The following CACNA1E variants were observed in gnomAD, a reference collection of about 807,000 sequenced individuals.
The protein encoded by CACNA1E is voltage-dependent R-type calcium channel subunit alpha-1E.
In CACNA1E, 40 loss-of-function variants were observed where a neutral mutation model predicts 259.2. The observed-to-expected ratio is 0.15, with a 90% CI of 0.12 to 0.20. CACNA1E has a LOEUF of 0.20. CACNA1E is among the 10% of genes least tolerant of loss of function. The probability of loss-of-function intolerance (pLI) is 1.00; values close to 1 mark genes in which losing one functional copy is unlikely to be tolerated. For synonymous variants in CACNA1E, 1,104 were observed against 1,138.5 expected, an observed-to-expected ratio of 0.97 and a Z score of 0.61; for missense variants, 1,874 against 3,040.1, an observed-to-expected ratio of 0.62 and a Z score of 9.02.
At chr1:181,502,345 C>A (rs1352832913) in intron 1 of CACNA1E, among the ~76,000 whole-genome samples, 1 of 152,210 alleles carries the variant, frequency 6.6e-6, no homozygotes, top group African/African-American at 2.4e-5. Flanking sequence ...AAAAGTTCAT[C>A]TATAGCTCCT....
At position 181,465,862 on chromosome 1, in the gene CACNA1E, T is replaced by C. The variant is rs984457574; in HGVS notation, c.435-17882T>C. Among the ~76,000 whole-genome samples, 5 of 152,220 alleles carry C rather than the reference T, an allele frequency of 3.3e-5. No individual in the cohort carries two copies. The East Asian group carries it at 5.8e-4, about 18-fold the overall frequency. ...TTTGATTACAAGTCATGTTTAGTAG[T>C]GCTTGTTTTCCCCATGGAAATGCAG... On this transcript the variant is annotated intron_variant, in intron 2 of 11. Coordinates refer to the CACNA1E transcript ENST00000524607.
intron 6 of CACNA1E, among the ~76,000 whole-genome samples, chr1:181,637,681 G>A (rs1279466477): frequency 6.6e-6 from 1 of 152,154 alleles, no homozygotes; most frequent in Non-Finnish European, 1.5e-5. Context: ...TCTTGAGGGT[G>A]TCAAATATTG....
intron 2 of CACNA1E, among the ~76,000 whole-genome samples, chr1:181,461,411 G>A (rs1558022290): frequency 6.6e-6 from 1 of 151,628 alleles, no homozygotes; most frequent in Non-Finnish European, 1.5e-5. Flanking sequence ...CGTGGTGGCG[G>A]GCGCCTGTAG....
intron 1 of CACNA1E, among the ~76,000 whole-genome samples, chr1:181,400,887 C>T (rs1351572207): frequency 6.6e-6 from 1 of 152,176 alleles, no homozygotes; most frequent in African/African-American, 2.4e-5. Flanking sequence ...ACTGGTCTCC[C>T]TGCCTCTTCC....
intron 1 of CACNA1E, among the ~76,000 whole-genome samples, chr1:181,368,583 T>A (rs1229876794): frequency 1.3e-5 from 2 of 152,126 alleles, no homozygotes; most frequent in Admixed American, 6.6e-5. Flanking sequence ...CATCTGACAT[T>A]TTCCCTCTTC....
chr1:181,473,194 A>C (rs75258258), intron 2 of CACNA1E, among the ~76,000 whole-genome samples: 51,431 of 151,418 alleles, frequency 0.34, 8,865 homozygotes, highest in African/African-American at 0.41. Context: ...TGCTCCCTGA[A>C]CTCCCTTACT....
At chr1:181,771,160 C>A in intron 35 of CACNA1E, 133 bp from the exon 36 acceptor site, 1 of 608,920 alleles carries the variant, frequency 1.6e-6, no homozygotes, top group East Asian at 2.8e-5. Context: ...CAGCAGCTCT[C>A]TGGGTCTGAG....
At chr1:181,479,499 T>C (rs138167247), upstream of CACNA1E, among the ~76,000 whole-genome samples, 136 of 152,330 alleles carry the variant, frequency 8.9e-4, no homozygotes, top group Non-Finnish European at 1.5e-3. Context: ...CTCGGGGCAC[T>C]GGAAGGAGAA....
rs75462301 is a variant in CACNA1E at position 181,691,352 on chromosome 1, G to T, written c.1056-19602G>T. Among the ~76,000 whole-genome samples the T allele has an allele frequency of 4.4e-3, 663 of 151,670 alleles. 10 individuals carry two copies. The highest frequency in any genetic ancestry group is 0.015 in the African/African-American group (629 of 41,398). ...ACATACATTTTCTGTTCTGCTATCT[G>T]CTCTGTCCTGTAACCTATCTTTGAA... On this transcript the variant is annotated intron_variant, in intron 7 of 47. Transcript: ENST00000367573.
At chr1:181,567,310 C>T (rs1286400941) in intron 3 of CACNA1E, among the ~76,000 whole-genome samples, 1 of 152,190 alleles carries the variant, frequency 6.6e-6, no homozygotes, top group African/African-American at 2.4e-5. Context: ...CTCTACTCCC[C>T]TTCTCATCCT....
At chr1:181,348,219 G>A (rs910706772) in intron 1 of CACNA1E, among the ~76,000 whole-genome samples, 1 of 152,036 alleles carries the variant, frequency 6.6e-6, no homozygotes, top group African/African-American at 2.4e-5. Flanking sequence ...AGTTGAGATG[G>A]GGGGTCATTT....
chr1:181,490,670 G>A (rs1222618979), intron 1 of CACNA1E, among the ~76,000 whole-genome samples: 1 of 151,776 alleles, frequency 6.6e-6, no homozygotes, highest in African/African-American at 2.4e-5. Context: ...GCTGCATTTG[G>A]GCTGCATCGG....
At position 181,485,900 on chromosome 1, in the gene CACNA1E, G is replaced by T. The variant is rs1261449094; in HGVS notation, c.266+1890G>T. ...AACCGCCCCGCGGGTGGCAAAGTGT[G>T]CCAGCAGCCATCGTTGGCACCTCGG... On this transcript the variant is annotated intron_variant, in intron 1 of 47. Transcript: ENST00000367573. This position sits in a 1 kb window ranked among gnomAD's most constrained non-coding sequence, Gnocchi z 4.2. Among the ~76,000 whole-genome samples the T allele has an allele frequency of 1.3e-5, 2 of 152,228 alleles. No individual in the cohort carries two copies. The highest frequency in any genetic ancestry group is 4.8e-5 in the African/African-American group (2 of 41,468).
At chr1:181,429,515 G>T (rs1035066009) in intron 2 of CACNA1E, among the ~76,000 whole-genome samples, 6 of 152,234 alleles carry the variant, frequency 3.9e-5, no homozygotes, top group Admixed American at 3.3e-4. Flanking sequence ...GTTTCAGGCA[G>T]CAGAGTTGGT....
chr1:181,580,826 G>A (rs757887874), intron 6 of CACNA1E, 50 bp downstream of exon 6: 19 of 1,562,580 alleles, frequency 1.2e-5, no homozygotes, highest in Non-Finnish European at 1.7e-5. Context: ...AACCCTGGAT[G>A]GAGGCTTCTG....
intron 1 of CACNA1E, among the ~76,000 whole-genome samples, chr1:181,380,772 T>C (rs778181208): frequency 6.6e-6 from 1 of 152,216 alleles, no homozygotes; most frequent in Non-Finnish European, 1.5e-5. Flanking sequence ...GATAGAATTA[T>C]GTTGGAAAAC....
intron 1 of CACNA1E, among the ~76,000 whole-genome samples, chr1:181,508,702 A>C (rs1665925535): frequency 6.6e-6 from 1 of 152,076 alleles, no homozygotes; most frequent in Non-Finnish European, 1.5e-5. Context: ...GCCAGTCCTT[A>C]GAAGGTGGTC....
intron 37 of CACNA1E, among the ~76,000 whole-genome samples, chr1:181,774,409 G>A (rs190255572): frequency 6.6e-5 from 10 of 152,324 alleles, no homozygotes; most frequent in Admixed American, 3.3e-4. Flanking sequence ...GATTAGGTTC[G>A]CCTGCATGAG....
intron 1 of CACNA1E, among the ~76,000 whole-genome samples, chr1:181,361,139 A>ACCC (rs555698837): frequency 1.3e-4 from 20 of 152,280 alleles, no homozygotes; most frequent in African/African-American, 4.3e-4. Context: ...TCTGTGGCCT[A>ACCC]GACACTGAAT....
Sources: allele counts gnomAD v4.1 joint callset (sites outside exome capture counted in the v4.1 genomes callset), GRCh38; gene constraint gnomAD v4.1.1; non-coding constraint Gnocchi (gnomAD v3.1); transcripts MANE v1.5; gene names NCBI Gene and HGNC (gene_info 2026-07-23, HGNC 2026-07-21).